The following HYDIN variants were observed in gnomAD, a reference collection of about 807,000 sequenced individuals.
HYDIN encodes the protein HYDIN axonemal central pair apparatus protein.
HYDIN carries 132 observed loss-of-function variants against 403.9 expected under a neutral mutation model. That is an observed-to-expected ratio of 0.33 (90% CI 0.28 to 0.38). The LOEUF (loss-of-function observed/expected upper bound fraction) is 0.38. Ranked by LOEUF, HYDIN falls within the 10% of genes least tolerant of loss-of-function variation. The probability of loss-of-function intolerance (pLI) is 1.00; values close to 1 mark genes in which losing one functional copy is unlikely to be tolerated. For synonymous variants in HYDIN, 1,202 were observed against 1,891.7 expected, an observed-to-expected ratio of 0.64 and a Z score of 9.46; for missense variants, 2,827 against 5,009.5, an observed-to-expected ratio of 0.56 and a Z score of 13.15.
chr16:70,901,275 G>C, intron 52 of HYDIN, 73 bp from the exon 53 acceptor site: 2 of 1,230,354 alleles, frequency 1.6e-6, no homozygotes, highest in Non-Finnish European at 2.3e-6. Flanking sequence ...TTTAACTTTT[G>C]TTTTAGGTTC....
chr16:70,997,182 G>A (rs2079558145), intron 23 of HYDIN, among the ~76,000 whole-genome samples: 1 of 146,348 alleles, frequency 6.8e-6, no homozygotes, highest in African/African-American at 2.5e-5. Context: ...AGCTCAGGTA[G>A]TAATGCGAGT....
intron 80 of HYDIN, among the ~76,000 whole-genome samples, chr16:70,830,063 A>C (rs914192812): frequency 2.0e-5 from 3 of 152,004 alleles, no homozygotes; most frequent in Non-Finnish European, 4.4e-5. Flanking sequence ...AAATAACAAA[A>C]ATCTCTGCCC....
At chr16:70,894,155 C>A in intron 55 of HYDIN, 1 of 372,892 alleles carries the variant, frequency 2.7e-6, no homozygotes, top group South Asian at 4.0e-5. Flanking sequence ...CCAGGTACAT[C>A]CGGGCCACTT....
In HYDIN at chr16:70,871,335, CTG is replaced by C. The variant is rs1365570778; in HGVS notation, c.11091+700_11091+701del. 8.5e-5 allele frequency among the ~76,000 whole-genome samples: 13 copies of C among 152,172 alleles called. No individual in the cohort carries two copies. In the East Asian group the frequency reaches 2.5e-3, roughly 29 times the overall value. Reference sequence around the variant, plus strand: ...TACTGTGCTTGAGCAGACTCACTGGCTGTGTGTCAACAGAGCAGGAGGCAGTG... The same window carrying C: ...TACTGTGCTTGAGCAGACTCACTGGCTGTGTCAACAGAGCAGGAGGCAGTG... On this transcript the variant is annotated intron_variant, in intron 65 of 85. Transcript: ENST00000393567.
chr16:70,980,916 T>G lies in HYDIN; in HGVS notation c.4510+475A>C, dbSNP rs537011076. Among the ~76,000 whole-genome samples the G allele has an allele frequency of 2.0e-5, 3 of 152,170 alleles. No individual in the cohort carries two copies. The South Asian group carries it at 6.2e-4, about 32-fold the overall frequency. On this transcript the variant is annotated intron_variant, in intron 29 of 85. Transcript: ENST00000393567. ...TGGGAAATGTAAGTGGGAAGACAAT[T>G]ATTCAAGTCTAATTTAGCCTTCACC...
chr16:70,834,364 T>A (rs1489640635), intron 78 of HYDIN, among the ~76,000 whole-genome samples, 200 bp from the exon 79 acceptor site: 1 of 151,698 alleles, frequency 6.6e-6, no homozygotes, highest in African/African-American at 2.4e-5. Context: ...TCTATAAAAT[T>A]TGTAGCACAT....
rs1280281720 is a variant in HYDIN at position 71,007,635 on chromosome 16, C to T, written c.3644+10494G>A. 5.8e-5 allele frequency among the ~76,000 whole-genome samples: 8 copies of T among 137,278 alleles called. No homozygotes were observed. The Middle Eastern group carries it at 0.011, about 183-fold the overall frequency. 90.1% of individuals were successfully genotyped at this position (137,278 alleles called of 152,430 possible). ...TAATGTCTCATACCAGTCAGAATGGCGATTATTGAAAAAATAACACGCTGG... is the reference window on the plus strand; with the variant it reads ...TAATGTCTCATACCAGTCAGAATGGTGATTATTGAAAAAATAACACGCTGG... On this transcript the variant is annotated intron_variant, in intron 23 of 85. Transcript: ENST00000393567.
intron 30 of HYDIN, among the ~76,000 whole-genome samples, chr16:70,977,091 C>T (rs1360351534): frequency 2.0e-5 from 3 of 152,230 alleles, no homozygotes; most frequent in Non-Finnish European, 2.9e-5. Context: ...AGAAACCCCA[C>T]CCCACTGCTC....
intron 1 of HYDIN, among the ~76,000 whole-genome samples, chr16:71,189,036 A>G (rs1238850212): frequency 6.6e-6 from 1 of 152,236 alleles, no homozygotes; most frequent in African/African-American, 2.4e-5. Context: ...AAAATTCATG[A>G]AAGGAAGAAA....
At chr16:71,204,395 T>C (rs2088183907) in intron 1 of HYDIN, among the ~76,000 whole-genome samples, 1 of 152,182 alleles carries the variant, frequency 6.6e-6, no homozygotes. Context: ...GACCAGTGCT[T>C]TCATCAATCT....
At chr16:70,932,545 T>C (rs1214376341) in intron 45 of HYDIN, among the ~76,000 whole-genome samples, 5 of 151,604 alleles carry the variant, frequency 3.3e-5, no homozygotes, top group Non-Finnish European at 7.4e-5. Context: ...GTATGTGAGA[T>C]GGTGATGAGT....
chr16:70,943,318 A>C (rs560290965), intron 42 of HYDIN, among the ~76,000 whole-genome samples: 135 of 152,388 alleles, frequency 8.9e-4, no homozygotes, highest in Non-Finnish European at 1.4e-3. Context: ...AAAGAAGACT[A>C]AAATTCTATA....
chr16:71,055,073 T>C (rs540556887), intron 18 of HYDIN, among the ~76,000 whole-genome samples: 119 of 152,372 alleles, frequency 7.8e-4, no homozygotes, highest in Admixed American at 2.8e-3. Context: ...CCTACTCCTC[T>C]AGGTGTGTCT....
At chr16:71,117,526 G>GAA (rs2084087866) in intron 9 of HYDIN, among the ~76,000 whole-genome samples, 1 of 152,202 alleles carries the variant, frequency 6.6e-6, no homozygotes, top group African/African-American at 2.4e-5. Flanking sequence ...GGACTAAGAT[G>GAA]AAAGTATTGA....
intron 1 of HYDIN, among the ~76,000 whole-genome samples, chr16:71,201,705 G>A (rs1394716616): frequency 6.6e-6 from 1 of 152,238 alleles, no homozygotes; most frequent in Non-Finnish European, 1.5e-5. Flanking sequence ...GGCTGTCTGA[G>A]AACAAAGCCA....
At chr16:71,004,314 CAAAA>C (rs11383182) in intron 23 of HYDIN, among the ~76,000 whole-genome samples, 2 of 88,208 alleles carry the variant, frequency 2.3e-5, no homozygotes, top group Admixed American at 1.1e-4. Context: ...AACTCCATTT[CAAAA>C]AAAAAAAAAA....
Position 71,029,665 on chromosome 16 carries a change from A to C in HYDIN, c.2769-1790T>G, listed in dbSNP as rs1316545269. 2.9e-5 allele frequency among the ~76,000 whole-genome samples: 4 copies of C among 135,814 alleles called. No homozygotes were observed. The Admixed American group carries it at 3.1e-4, about 11-fold the overall frequency. 89.1% of individuals were successfully genotyped at this position (135,814 alleles called of 152,430 possible). On this transcript the variant is annotated intron_variant, in intron 19 of 85. Transcript: ENST00000393567. ...AGAGGACAATTCTTATATTTAGTCG[A>C]CTTGAAAAATATAATTGGATACTTG...
chr16:71,059,752 C>A (rs2082020530), intron 18 of HYDIN, among the ~76,000 whole-genome samples: 1 of 152,104 alleles, frequency 6.6e-6, no homozygotes, highest in South Asian at 2.1e-4. Context: ...GTGTAACAAA[C>A]CTGCACATGT....
At chr16:71,110,387 AT>A (rs1351643748) in intron 10 of HYDIN, among the ~76,000 whole-genome samples, 3 of 141,318 alleles carry the variant, frequency 2.1e-5, no homozygotes, top group Admixed American at 1.5e-4. Flanking sequence ...AAATACATAT[AT>A]TTTATATATA....
Sources: allele counts gnomAD v4.1 joint callset (sites outside exome capture counted in the v4.1 genomes callset), GRCh38; gene constraint gnomAD v4.1.1; transcripts MANE v1.5; gene names NCBI Gene and HGNC (gene_info 2026-07-23, HGNC 2026-07-21).